VPS54: variants seen among roughly 807,000 people sequenced by gnomAD.
The protein encoded by VPS54 is vacuolar protein sorting-associated protein 54.
A neutral mutation model predicts 121.5 loss-of-function variants in VPS54; 45 were observed. That is an observed-to-expected ratio of 0.37 (90% CI 0.29 to 0.47). The LOEUF is 0.47. VPS54 is among the 20% of genes least tolerant of loss of function. The pLI is 0.99. For missense variants in VPS54, 1,090 were observed against 1,131.4 expected (o/e 0.96, Z 0.52); for synonymous variants, 371 against 385.8 (o/e 0.96, Z 0.45).
At chr2:64,013,675 TATATTGATATATATCACATATATAGAG>T (rs1678549866) in intron 1 of VPS54, among the ~76,000 whole-genome samples, 1 of 145,950 alleles carries the variant, frequency 6.9e-6, no homozygotes. Context: ...TATATATCTA[TATATTGATATATATCACATATATAGAG>T]ATATATATAT....
chr2:64,009,074 G>A (rs1678305695), intron 1 of VPS54, among the ~76,000 whole-genome samples: 1 of 152,138 alleles, frequency 6.6e-6, no homozygotes, highest in Non-Finnish European at 1.5e-5. Flanking sequence ...TCATGCCTCT[G>A]TCTCTGCACC....
Position 63,972,155 on chromosome 2 carries a change from C to T in VPS54, c.457+11G>A. 1.3e-6 allele frequency: 2 copies of T among 1,518,034 alleles called. No homozygotes were observed. The highest frequency in any genetic ancestry group is 1.8e-6 in the Non-Finnish European group (2 of 1,114,372). 94.0% of individuals were successfully genotyped at this position (1,518,034 alleles called of 1,614,324 possible). On this transcript the variant is annotated intron_variant, in intron 4 of 22. Coordinates refer to ENST00000272322, the MANE Select transcript of VPS54 (RefSeq NM_016516.3). ...TATGCTTTATTATCTATAAATAACACATATTCATACCATGAGTATGTAAAA... is the reference window on the plus strand; with the variant it reads ...TATGCTTTATTATCTATAAATAACATATATTCATACCATGAGTATGTAAAA...
chr2:63,971,546 A>G (rs1443860292), intron 4 of VPS54, among the ~76,000 whole-genome samples: 4 of 152,184 alleles, frequency 2.6e-5, no homozygotes, highest in African/African-American at 4.8e-5. Flanking sequence ...GGCTTTGTAT[A>G]AACTATTCCC....
rs775467977 is a variant in VPS54 at position 63,962,457 on chromosome 2, GA to G, written c.625-15del. On this transcript the variant is annotated splice_polypyrimidine_tract_variant and intron_variant, in intron 6 of 22. Transcript: ENST00000272322. ...ATAATGGCTCAGCTTAAAAGAGAAG[GA>G]AAAAAAATATGAAGTACTATGAGCA... The G allele has an allele frequency of 6.3e-6, 10 of 1,575,700 alleles. No individual in the cohort carries two copies. The East Asian group carries it at 6.7e-5, about 11-fold the overall frequency.
chr2:63,967,234 GA>G (rs1216225764), intron 5 of VPS54, among the ~76,000 whole-genome samples: 3 of 151,774 alleles, frequency 2.0e-5, no homozygotes, highest in Non-Finnish European at 2.9e-5. Context: ...AATATGGTAG[GA>G]AAAAAATCTA....
chr2:63,985,351 C>G (rs1676999215), intron 1 of VPS54, among the ~76,000 whole-genome samples: 1 of 152,000 alleles, frequency 6.6e-6, no homozygotes. Context: ...AAATAAGGAG[C>G]AGAGATATGA....
Position 63,914,096 on chromosome 2 carries a change from G to C in VPS54, c.2334+86C>G, listed in dbSNP as rs1673270682. 5 of 1,190,718 alleles carry C rather than the reference G, an allele frequency of 4.2e-6. 1 individual carries two copies. The South Asian group carries it at 5.3e-5, about 13-fold the overall frequency. The allele number at this position is 1,190,718 out of a possible 1,614,324, so 73.8% of individuals were successfully genotyped here. ...AATGTCTTAAAGTTAATTTGACCTT[G>C]AAATGTCTTTGAGTTAAGATTAGTC... On this transcript the variant is annotated intron_variant, in intron 17 of 22. Transcript: ENST00000272322.
chr2:63,928,836 C>CAAAAAAAAAAAAAAAAAAAAAAAGAAAAA (rs1383479805), intron 12 of VPS54, among the ~76,000 whole-genome samples: 1 of 64,240 alleles, frequency 1.6e-5, no homozygotes. Flanking sequence ...AAATGGAAAG[C>CAAAAAAAAAAAAAAAAAAAAAAAGAAAAA]AAAAAAAAAA....
At chr2:63,906,853 T>C (rs1672924824) in intron 20 of VPS54, among the ~76,000 whole-genome samples, 2 of 152,216 alleles carry the variant, frequency 1.3e-5, no homozygotes, top group African/African-American at 4.8e-5. Flanking sequence ...GATAAGCTGA[T>C]ATAAAATTTT....
intron 21 of VPS54, among the ~76,000 whole-genome samples, chr2:63,898,124 C>G (rs1423050888): frequency 6.6e-6 from 1 of 152,118 alleles, no homozygotes; most frequent in Admixed American, 6.5e-5. Flanking sequence ...TGTGGAATTA[C>G]TAGTATTCAA....
In VPS54 at chr2:64,002,688, C is replaced by G. The variant is rs530286512; in HGVS notation, c.-21+16250G>C. 3.9e-5 allele frequency among the ~76,000 whole-genome samples: 6 copies of G among 152,288 alleles called. No individual in the cohort carries two copies. In the East Asian group the frequency reaches 1.2e-3, roughly 29 times the overall value. ...AGATTCTTCTAAGTTATTTCTGTAT[C>G]TGAGGAGAAAAACACATGGTTTACT... On this transcript the variant is annotated intron_variant, in intron 1 of 22. Transcript: ENST00000272322.
In VPS54 at chr2:63,919,960, T is replaced by C. The variant is rs138179139; in HGVS notation, c.2087A>G (p.Asp696Gly). ...AAGATCCTGAAATTCTGCAGGAACA[T>C]CTGCTTGCTTCCAGCGCTCATTGTC... ...LLDNERWKQADVPAEFQDLVD... is the reference protein window; with the variant it reads ...LLDNERWKQAGVPAEFQDLVD... Residue 696 changes from aspartate (D) to glycine (G), a missense_variant, in exon 15 of 23, where the codon GAT becomes GGT. Around this residue, in one of 2 missense-constraint regions of VPS54, gnomAD observed 289 missense variants for 374.4 expected, o/e 0.77. Transcript: ENST00000272322. The C allele has an allele frequency of 8.1e-6, 13 of 1,612,256 alleles. No individual in the cohort carries two copies. In the African/African-American group the frequency reaches 9.4e-5, roughly 12 times the overall value.
chr2:63,955,353 T>G (rs889369173), intron 7 of VPS54, among the ~76,000 whole-genome samples: 24 of 152,038 alleles, frequency 1.6e-4, no homozygotes, highest in African/African-American at 5.5e-4. Flanking sequence ...CATTGATTCT[T>G]TTTTAATGCA....
chr2:63,934,671 AT>A (rs1409475843), intron 11 of VPS54, among the ~76,000 whole-genome samples: 3 of 150,870 alleles, frequency 2.0e-5, no homozygotes, highest in African/African-American at 7.4e-5. Flanking sequence ...TTGTAAAAAA[AT>A]AAAAACAAAA....
intron 12 of VPS54, among the ~76,000 whole-genome samples, chr2:63,930,958 G>T (rs933526064): frequency 6.6e-6 from 1 of 152,116 alleles, no homozygotes; most frequent in African/African-American, 2.4e-5. Flanking sequence ...AACTTACAAG[G>T]GATGTGAAGG....
At chr2:64,018,121 T>C (rs1436284777) in intron 1 of VPS54, among the ~76,000 whole-genome samples, 3 of 152,174 alleles carry the variant, frequency 2.0e-5, no homozygotes, top group African/African-American at 7.2e-5. Flanking sequence ...TTAAAGGCGT[T>C]TAGTATTAAG....
intron 5 of VPS54, among the ~76,000 whole-genome samples, chr2:63,968,465 A>G (rs1300535277): frequency 6.6e-6 from 1 of 151,878 alleles, no homozygotes; most frequent in African/African-American, 2.4e-5. Flanking sequence ...TAATCCCAGC[A>G]CATTGGGAGG....
At chr2:63,939,767 C>CTT (rs70965152) in intron 11 of VPS54, among the ~76,000 whole-genome samples, 1,731 of 146,614 alleles carry the variant, frequency 0.012, 30 homozygotes, top group Admixed American at 0.042. Context: ...TACATCTTGC[C>CTT]TTTTTTTTTT....
At chr2:63,961,936 C>T in intron 7 of VPS54, 122 bp downstream of exon 7, 2 of 1,054,862 alleles carry the variant, frequency 1.9e-6, no homozygotes, top group Non-Finnish European at 2.6e-6. Flanking sequence ...AACAAATGAT[C>T]AATCTGGAAG....
Sources: gnomAD v4.1 joint callset for allele counts (sites outside exome capture counted in the v4.1 genomes callset) on GRCh38, gnomAD v4.1.1 for gene constraint, gnomAD v4.1.1 regional missense constraint, MANE v1.5 for transcripts, NCBI Gene and HGNC (gene_info 2026-07-23, HGNC 2026-07-21) for gene names.